The following USP7 variants were observed in gnomAD, a reference collection of about 807,000 sequenced individuals.
USP7 encodes ubiquitin C-terminal hydrolase 7.
USP7 carries 9 observed loss-of-function variants against 162.9 expected under a neutral mutation model. That is an observed-to-expected ratio of 0.06 (90% CI 0.03 to 0.10). The LOEUF (loss-of-function observed/expected upper bound fraction) is 0.10. Ranked by LOEUF, USP7 falls within the 10% of genes least tolerant of loss-of-function variation. USP7 has a pLI of 1.00. For missense variants in USP7, 715 were observed against 1,373.7 expected (o/e 0.52, Z 7.58); for synonymous variants, 562 against 475.9 (o/e 1.18, Z -2.35).
At position 8,924,907 on chromosome 16, in the gene USP7, G is replaced by A. The variant is rs577209952; in HGVS notation, c.185-1494C>T. Among the ~76,000 whole-genome samples, 7 of 152,340 alleles carry A rather than the reference G, an allele frequency of 4.6e-5. No homozygotes were observed. The East Asian group carries it at 1.3e-3, about 29-fold the overall frequency. ...AGGAACTTTGGAAGGAAGAGCAGCT[G>A]AAAGAGGCGCATCTTGTCCAAAATA... On this transcript the variant is annotated intron_variant, in intron 2 of 30. Transcript: ENST00000344836.
chr16:8,932,242 C>T (rs77188284), intron 1 of USP7, among the ~76,000 whole-genome samples: 6,953 of 152,284 alleles, frequency 0.046, 219 homozygotes, highest in Middle Eastern at 0.14. Context: ...TCTTGATAGT[C>T]TCTTAATACA....
In USP7 at chr16:8,892,657, C is replaced by G. The variant is rs530368668; in HGVS notation, c.*1341G>C. The G allele has an allele frequency of 1.8e-4, 27 of 146,460 alleles. No homozygotes were observed. The East Asian group carries it at 5.1e-3, about 28-fold the overall frequency. 9.1% of individuals were successfully genotyped at this position (146,460 alleles called of 1,614,324 possible). ...AACAAGAGACCCTGCCCCCGCAAAA[C>G]GGAATTAGAAGGAAAAGTACATCTC... On this transcript the variant is annotated 3_prime_UTR_variant, in exon 31 of 31. Transcript: ENST00000344836.
chr16:8,938,067 C>A (rs954754275), intron 1 of USP7, among the ~76,000 whole-genome samples: 2 of 152,124 alleles, frequency 1.3e-5, no homozygotes, highest in African/African-American at 4.8e-5. Flanking sequence ...CTCCCTATGT[C>A]ACCAGACCAG....
At chr16:8,901,906 A>G (rs1057025830) in intron 18 of USP7, 176 bp downstream of exon 18, 1 of 619,542 alleles carries the variant, frequency 1.6e-6, no homozygotes, top group Admixed American at 3.0e-5. Context: ...CTCACAGGAA[A>G]CTCGCAGCCA....
intron 1 of USP7, among the ~76,000 whole-genome samples, chr16:8,951,925 T>G (rs536793121): frequency 1.3e-5 from 2 of 152,338 alleles, no homozygotes; most frequent in African/African-American, 4.8e-5. Context: ...GGCCCTGGAC[T>G]ATTCAGGCAG....
chr16:8,936,559 G>T, intron 1 of USP7: 4 of 1,525,000 alleles, frequency 2.6e-6, no homozygotes, highest in Non-Finnish European at 3.5e-6. Context: ...AGCATAAGGA[G>T]CTCAACCTGA....
At chr16:8,901,407 T>G (rs759446509) in intron 18 of USP7, among the ~76,000 whole-genome samples, 173 bp from the exon 19 acceptor site, 1 of 152,126 alleles carries the variant, frequency 6.6e-6, no homozygotes, top group Non-Finnish European at 1.5e-5. Context: ...ATGTGGCTTA[T>G]TCACGAAGCT....
chr16:8,912,728 G>T (rs1239083948), intron 10 of USP7, among the ~76,000 whole-genome samples: 1 of 151,474 alleles, frequency 6.6e-6, no homozygotes, highest in East Asian at 1.9e-4. Flanking sequence ...TCCGAGACTA[G>T]CCTGGCCTAA....
rs145741784 is a variant in USP7 at position 8,900,763 on chromosome 16, G to C, written c.2209-133C>G. 963 of 751,392 alleles carry C rather than the reference G, an allele frequency of 1.3e-3. 10 individuals are homozygous for C. In the African/African-American group the frequency reaches 0.015, roughly 12 times the overall value. The allele number at this position is 751,392 out of a possible 1,614,324, so 46.5% of individuals were successfully genotyped here. On this transcript the variant is annotated intron_variant, in intron 20 of 30. Coordinates refer to ENST00000344836, the MANE Select transcript of USP7 (RefSeq NM_003470.3). ...ACCTTTTAAGTTAAAATGTTAACAG[G>C]AAAAGCTAAATGAATAAATCCACAA...
intron 1 of USP7, among the ~76,000 whole-genome samples, chr16:8,945,770 C>T (rs1899248129): frequency 6.6e-6 from 1 of 152,076 alleles, no homozygotes; most frequent in African/African-American, 2.4e-5. Flanking sequence ...CACAGATCCA[C>T]TGGGTGTGGT....
intron 1 of USP7, among the ~76,000 whole-genome samples, chr16:8,955,440 T>C (rs1008930038): frequency 6.8e-6 from 1 of 148,004 alleles, no homozygotes; most frequent in Non-Finnish European, 1.5e-5. Context: ...AGCAATTGCA[T>C]GGCCAGGCGC....
intron 27 of USP7, 139 bp from the exon 28 acceptor site, chr16:8,895,289 A>C: frequency 1.5e-6 from 2 of 1,332,014 alleles, no homozygotes; most frequent in South Asian, 2.7e-5. Context: ...GGATCCAGCC[A>C]GAGTGATGGG....
chr16:8,946,946 G>GA (rs1259486375), intron 1 of USP7, among the ~76,000 whole-genome samples: 1 of 152,192 alleles, frequency 6.6e-6, no homozygotes, highest in Non-Finnish European at 1.5e-5. Context: ...AATGCAACTG[G>GA]AAAAAATCCA....
In USP7 at chr16:8,963,737, G is replaced by C. The variant is rs944141489; in HGVS notation, c.-452C>G. Among the ~76,000 whole-genome samples the C allele has an allele frequency of 2.1e-4, 30 of 144,368 alleles. No homozygotes were observed. Among genetic ancestry groups the C allele is most frequent in the Non-Finnish European group, 2.8e-4 (18 of 65,112 alleles). The allele number at this position is 144,368 out of a possible 152,430, so 94.7% of individuals were successfully genotyped here. Reference sequence around the variant, plus strand: ...AGGCCTGGCCGGCCGCGGCGGGCCTGCGGGCCCTGGGGCCGGCGGGAGCGG... The same window carrying C: ...AGGCCTGGCCGGCCGCGGCGGGCCTCCGGGCCCTGGGGCCGGCGGGAGCGG... On this transcript the variant is annotated 5_prime_UTR_variant, in exon 1 of 31. Coordinates refer to ENST00000344836, the MANE Select transcript of USP7 (RefSeq NM_003470.3).
intron 13 of USP7, 43 bp from the exon 14 acceptor site, chr16:8,905,374 G>A: frequency 1.2e-6 from 2 of 1,604,544 alleles, no homozygotes; most frequent in South Asian, 2.2e-5. Context: ...CAAGCACTGT[G>A]ACAAGTACCC....
At chr16:8,920,285 A>T in intron 5 of USP7, 74 bp downstream of exon 5, 1 of 1,288,446 alleles carries the variant, frequency 7.8e-7, no homozygotes, top group Non-Finnish European at 1.1e-6. Flanking sequence ...CATCTCTATT[A>T]CATGCACGCT....
At chr16:8,947,202 A>G (rs761982662) in intron 1 of USP7, among the ~76,000 whole-genome samples, 41 of 152,018 alleles carry the variant, frequency 2.7e-4, no homozygotes, top group Non-Finnish European at 5.0e-4. Flanking sequence ...AACAGACAAT[A>G]AAGAAATTTA....
rs143487274 is a variant in USP7 at position 8,912,090 on chromosome 16, T to C, written c.1079-1263A>G. The stretch of plus-strand genomic sequence containing the variant: ...CTTATCTGTGCATAAGAGCAAAGGT[T>C]AGGAATATCTAACACCCAGCAAGAT... On this transcript the variant is annotated intron_variant, in intron 10 of 30. Transcript: ENST00000344836. Among the ~76,000 whole-genome samples the C allele has an allele frequency of 2.1e-3, 315 of 152,178 alleles. 3 individuals are homozygous for C. Among genetic ancestry groups the C allele is most frequent in the African/African-American group, 7.2e-3 (298 of 41,484 alleles).
intron 7 of USP7, 149 bp downstream of exon 7, chr16:8,916,877 A>G: frequency 1.0e-6 from 1 of 962,576 alleles, no homozygotes; most frequent in East Asian, 2.8e-5. Flanking sequence ...ATACAATGAT[A>G]AAAGCACTGA....
Sources: gnomAD v4.1 joint callset for allele counts (sites outside exome capture counted in the v4.1 genomes callset) on GRCh38, gnomAD v4.1.1 for gene constraint, MANE v1.5 for transcripts, NCBI Gene and HGNC (gene_info 2026-07-23, HGNC 2026-07-21) for gene names.